MAPDA: variants seen among roughly 807,000 people sequenced by gnomAD.
MAPDA encodes the protein N6-Methyl-AMP deaminase, also known as N6,N6-dimethyl-AMP deaminase.
At chr15:43,341,665 C>G in the MAPDA span, among the ~76,000 whole-genome samples, 2 of 151,114 alleles carry the variant, frequency 1.3e-5, no homozygotes. Context: ...ATCATAAGAC[C>G]CCCCCCACCT....
the MAPDA span, chr15:43,340,157 A>T: frequency 1.0e-6 from 1 of 958,602 alleles, no homozygotes; most frequent in Non-Finnish European, 1.6e-6. Context: ...TTCCAACATT[A>T]CTTGCAAATC....
chr15:43,341,880 C>T, the MAPDA span, among the ~76,000 whole-genome samples: 1 of 151,910 alleles, frequency 6.6e-6, no homozygotes, highest in Non-Finnish European at 1.5e-5. Context: ...TGCTCGTCAC[C>T]CAGACTGGAG....
chr15:43,350,569 T>C, the MAPDA span, among the ~76,000 whole-genome samples: 1 of 152,184 alleles, frequency 6.6e-6, no homozygotes, highest in African/African-American at 2.4e-5. Flanking sequence ...CTTCCACCAT[T>C]AGACCAGGAG....
the MAPDA span, chr15:43,349,565 G>A: frequency 1.2e-5 from 2 of 162,686 alleles, no homozygotes; most frequent in East Asian, 1.9e-4. Context: ...AGGGAAGACA[G>A]TAAACAAATA....
At chr15:43,351,035 G>T in the MAPDA span, 20 of 1,551,274 alleles carry the variant, frequency 1.3e-5, no homozygotes, top group South Asian at 1.8e-4. Context: ...ATCCTTCTGT[G>T]ATCTGTGTAA....
At chr15:43,339,373 T>G in the MAPDA span, among the ~76,000 whole-genome samples, 1 of 152,204 alleles carries the variant, frequency 6.6e-6, no homozygotes, top group Non-Finnish European at 1.5e-5. Flanking sequence ...ATTTTTGTCT[T>G]TAGTGGAAAA....
chr15:43,347,032 A>C, the MAPDA span: 1 of 1,613,848 alleles, frequency 6.2e-7, no homozygotes, highest in Non-Finnish European at 8.5e-7. Context: ...CAAGCAAAAG[A>C]CTTCTTGGAA....
chr15:43,330,602 TCC>T, the MAPDA span: 1 of 1,236,760 alleles, frequency 8.1e-7, no homozygotes, highest in African/African-American at 1.6e-5. Context: ...CTCCTGGACT[TCC>T]CCTTCCGCCG....
chr15:43,341,410 T>TA, the MAPDA span, among the ~76,000 whole-genome samples: 2 of 152,172 alleles, frequency 1.3e-5, no homozygotes, highest in Admixed American at 1.3e-4. Context: ...AATGGTTAAA[T>TA]AAAGGCTAAT....
the MAPDA span, chr15:43,347,056 C>A: frequency 1.2e-6 from 2 of 1,613,676 alleles, no homozygotes; most frequent in Non-Finnish European, 1.7e-6. Flanking sequence ...CTTTTAGAAG[C>A]TAAGAAAGCA....
At chr15:43,335,753 G>A in the MAPDA span, 1 of 1,613,764 alleles carries the variant, frequency 6.2e-7, no homozygotes, top group Non-Finnish European at 8.5e-7. Flanking sequence ...GAAATTAATA[G>A]CCCAGAAGCC....
the MAPDA span, chr15:43,350,920 T>G: frequency 1.3e-6 from 2 of 1,542,424 alleles, no homozygotes; most frequent in Non-Finnish European, 1.8e-6. Context: ...AATAAGAGGT[T>G]TTTTTCCCCT....
chr15:43,353,933 A>T, the MAPDA span: 1 of 152,192 alleles, frequency 6.6e-6, no homozygotes, highest in African/African-American at 2.4e-5. Flanking sequence ...TTACTAGCAA[A>T]TTAAACTCAA....
At chr15:43,331,428 G>C in the MAPDA span, among the ~76,000 whole-genome samples, 1 of 152,170 alleles carries the variant, frequency 6.6e-6, no homozygotes, top group Non-Finnish European at 1.5e-5. Context: ...GAGACATTTA[G>C]GAAATTTATC....
the MAPDA span, among the ~76,000 whole-genome samples, chr15:43,339,816 A>G: frequency 6.6e-6 from 1 of 152,374 alleles, no homozygotes; most frequent in East Asian, 1.9e-4. Flanking sequence ...ACTTGAATAA[A>G]AACCTTAAGC....
the MAPDA span, chr15:43,348,943 G>GA: frequency 6.2e-7 from 1 of 1,614,040 alleles, no homozygotes; most frequent in Non-Finnish European, 8.5e-7. Context: ...AATACTCCTG[G>GA]ATCTGCTTCC....
chr15:43,330,521 C>T, the MAPDA span: 2 of 1,510,192 alleles, frequency 1.3e-6, no homozygotes, highest in South Asian at 1.3e-5. Context: ...GGCAGTCTGT[C>T]ACGGTTGTGA....
At chr15:43,342,134 C>CTATTTT in the MAPDA span, among the ~76,000 whole-genome samples, 75 of 152,194 alleles carry the variant, frequency 4.9e-4, no homozygotes, top group Non-Finnish European at 9.3e-4. Context: ...CCACCACACC[C>CTATTTT]TATTTTTATT....
At chr15:43,342,944 T>A in the MAPDA span, 3 of 1,334,110 alleles carry the variant, frequency 2.2e-6, no homozygotes, top group Non-Finnish European at 3.1e-6. Context: ...AGGTGAGGGA[T>A]GAAATAGTTG....
Sources: gnomAD v4.1 joint callset for allele counts (sites outside exome capture counted in the v4.1 genomes callset) on GRCh38, gnomAD v4.1.1 for gene constraint, MANE v1.5 for transcripts, NCBI Gene and HGNC (gene_info 2026-07-23, HGNC 2026-07-21) for gene names.